NAV1: variants seen among roughly 807,000 people sequenced by gnomAD.
NAV1 encodes neuron navigator 1.
NAV1 carries 18 observed loss-of-function variants against 175.2 expected under a neutral mutation model. That is an observed-to-expected ratio of 0.10 (90% CI 0.07 to 0.15). The LOEUF (loss-of-function observed/expected upper bound fraction) is 0.15. Ranked by LOEUF, NAV1 falls within the 10% of genes least tolerant of loss-of-function variation. The pLI, the probability that NAV1 is intolerant of heterozygous loss-of-function variation, is 1.00. For missense variants in NAV1, 1,731 were observed against 2,436.6 expected (o/e 0.71, Z 6.10); for synonymous variants, 897 against 978.7 (o/e 0.92, Z 1.56).
intron 2 of NAV1, among the ~76,000 whole-genome samples, chr1:201,629,992 G>A (rs1437345989): frequency 6.6e-6 from 1 of 152,164 alleles, no homozygotes; most frequent in Non-Finnish European, 1.5e-5. Flanking sequence ...CTGAGGCTCA[G>A]GCATGTGAGA....
intron 1 of NAV1, among the ~76,000 whole-genome samples, chr1:201,562,542 C>G (rs1666231517): frequency 6.6e-6 from 1 of 152,180 alleles, no homozygotes; most frequent in Admixed American, 6.5e-5. Flanking sequence ...GTTAGTGGGC[C>G]AGGCCCAGGT....
chr1:201,715,745 C>T (rs1490602135), intron 2 of NAV1, among the ~76,000 whole-genome samples: 1 of 152,214 alleles, frequency 6.6e-6, no homozygotes, highest in Non-Finnish European at 1.5e-5. Context: ...GCTGTTTTCA[C>T]CCAGGAACTC....
intron 1 of NAV1, among the ~76,000 whole-genome samples, chr1:201,681,383 G>A (rs1670454702): frequency 6.6e-6 from 1 of 152,344 alleles, no homozygotes; most frequent in South Asian, 2.1e-4. Context: ...CTGATTTGGA[G>A]TCTCTGAGAC....
rs140159775 is a variant in NAV1, at chr1:201,753,491, C to T, written c.1227-26930C>T. Among the ~76,000 whole-genome samples, 1,073 of 152,282 alleles carry T rather than the reference C, an allele frequency of 7.0e-3. 8 individuals are homozygous for T. The highest frequency in any genetic ancestry group is 0.024 in the African/African-American group (1,009 of 41,568). On this transcript the variant is annotated intron_variant, in intron 3 of 29. Coordinates refer to ENST00000367296, the Ensembl canonical transcript of NAV1. ...GTTGGTATAAGAATGTATTGTGTAT[C>T]TTTCAAATGTCCTTATTAGAGAAAC...
chr1:201,680,888 G>A (rs879488328), intron 1 of NAV1, among the ~76,000 whole-genome samples: 3 of 152,108 alleles, frequency 2.0e-5, no homozygotes, highest in East Asian at 1.9e-4. Flanking sequence ...TGATCGCAAC[G>A]CCACACTTCT....
chr1:201,668,497 GTC>G (rs1205748415), intron 1 of NAV1, among the ~76,000 whole-genome samples: 1 of 152,138 alleles, frequency 6.6e-6, no homozygotes, highest in African/African-American at 2.4e-5. Flanking sequence ...TCCTCCTAGG[GTC>G]TCTCTGCCTG....
At chr1:201,775,344 C>T (rs1675865741) in intron 3 of NAV1, among the ~76,000 whole-genome samples, 1 of 152,182 alleles carries the variant, frequency 6.6e-6, no homozygotes, top group South Asian at 2.1e-4. Context: ...TCGTAGAATG[C>T]TGGTCTTACA....
chr1:201,665,330 C>T lies in NAV1; in HGVS notation c.757+15905C>T, dbSNP rs544323884. ...CAGCTCTGCAGAGTTTGCCTGGGTA[C>T]AATGTGTTCTCATTGTGCCTCCAAC... On this transcript the variant is annotated intron_variant, in intron 1 of 29. Coordinates refer to ENST00000367296, the Ensembl canonical transcript of NAV1. Among the ~76,000 whole-genome samples the T allele has an allele frequency of 3.3e-5, 5 of 152,200 alleles. No individual in the cohort carries two copies. In the South Asian group the frequency reaches 1.0e-3, roughly 32 times the overall value.
chr1:201,770,581 T>A (rs1675509642), intron 3 of NAV1, among the ~76,000 whole-genome samples: 1 of 152,170 alleles, frequency 6.6e-6, no homozygotes. Flanking sequence ...CTAATTGAAC[T>A]AAATTCCAGA....
intron 3 of NAV1, among the ~76,000 whole-genome samples, chr1:201,773,782 T>G (rs956213768): frequency 6.6e-6 from 1 of 152,184 alleles, no homozygotes; most frequent in African/African-American, 2.4e-5. Flanking sequence ...AAGTATCCCA[T>G]GGAGAAAGTT....
intron 2 of NAV1, among the ~76,000 whole-genome samples, chr1:201,611,235 G>A (rs1281941464): frequency 2.6e-5 from 4 of 152,212 alleles, no homozygotes; most frequent in African/African-American, 9.7e-5. Context: ...ACCAGGCCCA[G>A]CTGAATGGCC....
chr1:201,545,139 T>C (rs147254717), intron 1 of NAV1, among the ~76,000 whole-genome samples: 408 of 152,310 alleles, frequency 2.7e-3, no homozygotes, highest in Middle Eastern at 6.8e-3. Flanking sequence ...CCTGGGACAA[T>C]GTTTTCCAAC....
intron 15 of NAV1, chr1:201,794,813 T>G: frequency 1.9e-6 from 1 of 527,540 alleles, no homozygotes; most frequent in Non-Finnish European, 3.4e-6. Flanking sequence ...CCAGGGGTCC[T>G]CTCCTTAACC....
chr1:201,685,892 G>A (rs189049534), intron 1 of NAV1, among the ~76,000 whole-genome samples: 18 of 152,266 alleles, frequency 1.2e-4, no homozygotes, highest in Non-Finnish European at 2.5e-4. Flanking sequence ...ATACATGATG[G>A]ATACATGGGA....
chr1:201,730,983 T>C (rs985332503), intron 3 of NAV1, among the ~76,000 whole-genome samples: 1 of 152,126 alleles, frequency 6.6e-6, no homozygotes, highest in African/African-American at 2.4e-5. Flanking sequence ...TGGTCATCTA[T>C]ATATCAGTGT....
At chr1:201,648,914 C>G in exon 1 of NAV1, 1 of 1,612,818 alleles carries the variant, frequency 6.2e-7, no homozygotes, top group Non-Finnish European at 8.5e-7. Context: ...GGCCGCCCGC[C>G]TCCAACCTGC....
intron 1 of NAV1, among the ~76,000 whole-genome samples, chr1:201,658,686 C>T (rs950138343): frequency 1.3e-5 from 2 of 152,166 alleles, no homozygotes; most frequent in Admixed American, 6.5e-5. Flanking sequence ...AATCAAAGTT[C>T]GTCCCCAAAG....
chr1:201,660,907 G>A (rs962265745), intron 1 of NAV1, among the ~76,000 whole-genome samples: 1 of 152,100 alleles, frequency 6.6e-6, no homozygotes, highest in Non-Finnish European at 1.5e-5. Flanking sequence ...GAGCACATGA[G>A]GGCTCAAAAA....
chr1:201,542,800 C>T (rs1477975225), intron 1 of NAV1, among the ~76,000 whole-genome samples: 1 of 152,244 alleles, frequency 6.6e-6, no homozygotes, highest in African/African-American at 2.4e-5. Context: ...GCATGTGCCT[C>T]TGCCAAGGAC....
Sources: gnomAD v4.1 joint callset for allele counts (sites outside exome capture counted in the v4.1 genomes callset) on GRCh38, gnomAD v4.1.1 for gene constraint, MANE v1.5 for transcripts, NCBI Gene and HGNC (gene_info 2026-07-23, HGNC 2026-07-21) for gene names.